REPS2: variants seen among roughly 807,000 people sequenced by gnomAD.
The protein encoded by REPS2 is ralBP1-associated Eps domain-containing protein 2.
A neutral mutation model predicts 53.6 loss-of-function variants in REPS2; 23 were observed. That is an observed-to-expected ratio of 0.43 (90% confidence interval 0.31 to 0.61). The LOEUF is 0.61. Ranked by LOEUF, REPS2 falls within the 20% of genes least tolerant of loss-of-function variation. The probability of loss-of-function intolerance (pLI) is 0.11; values close to 1 mark genes in which losing one functional copy is unlikely to be tolerated. For missense variants in REPS2, 446 were observed against 534.9 expected (o/e 0.83, Z 1.64); for synonymous variants, 238 against 218.6 (o/e 1.09, Z -0.78).
chrX:16,969,958 A>G (rs2060863479), intron 1 of REPS2, among the ~76,000 whole-genome samples: 2 of 112,076 alleles, frequency 1.8e-5, no homozygotes, highest in South Asian at 7.3e-4. Flanking sequence ...TTTTAACTAT[A>G]TTGCTTTCTA....
intron 14 of REPS2, among the ~76,000 whole-genome samples, chrX:17,117,320 A>G (rs2148100725): frequency 9.0e-6 from 1 of 111,491 alleles, no homozygotes; most frequent in South Asian, 3.8e-4. Context: ...CATGTGCACA[A>G]CGTGCAGGTT....
At chrX:17,081,386 A>C (rs1175994292) in intron 13 of REPS2, among the ~76,000 whole-genome samples, 1 of 112,595 alleles carries the variant, frequency 8.9e-6, no homozygotes, top group African/African-American at 3.2e-5. Flanking sequence ...TTGTAGAACC[A>C]ATGGAAGGAG....
chrX:17,055,755 G>A (rs112646104), intron 8 of REPS2, among the ~76,000 whole-genome samples: 2,161 of 94,674 alleles, frequency 0.023, 77 homozygotes, highest in African/African-American at 0.082. Context: ...ACCAAACACC[G>A]CATATTCTCA....
At chrX:17,076,237 A>G (rs1004678076) in intron 12 of REPS2, among the ~76,000 whole-genome samples, 2 of 112,277 alleles carry the variant, frequency 1.8e-5, no homozygotes, top group African/African-American at 6.5e-5. Context: ...CCACTCTAAT[A>G]GCTAAGTACG....
intron 13 of REPS2, among the ~76,000 whole-genome samples, chrX:17,091,442 G>A (rs2062615172): frequency 9.0e-6 from 1 of 111,602 alleles, no homozygotes; most frequent in Non-Finnish European, 1.9e-5. Flanking sequence ...TAGTAGCCTT[G>A]TGTCCTTGGC....
intron 5 of REPS2, among the ~76,000 whole-genome samples, chrX:17,045,365 T>C (rs1569145108): frequency 9.0e-6 from 1 of 110,832 alleles, no homozygotes; most frequent in East Asian, 2.8e-4. Flanking sequence ...ATTTGCTGCC[T>C]GCAGGGGTTC....
chrX:16,966,607 G>A (rs1789367920), intron 1 of REPS2, among the ~76,000 whole-genome samples: 1 of 112,347 alleles, frequency 8.9e-6, no homozygotes, highest in South Asian at 3.6e-4. Flanking sequence ...ATAAGGTCAG[G>A]TGTGGATTTT....
chrX:17,083,906 G>T (rs140572993), intron 13 of REPS2, among the ~76,000 whole-genome samples: 16 of 110,721 alleles, frequency 1.4e-4, no homozygotes, highest in African/African-American at 5.3e-4. Flanking sequence ...AAATGAAAGC[G>T]TTATTGAGAT....
chrX:17,070,068 A>G, intron 11 of REPS2, 75 bp downstream of exon 11: 1 of 456,113 alleles, frequency 2.2e-6, no homozygotes, highest in South Asian at 5.4e-5. Flanking sequence ...AGTGAGTAGA[A>G]GATTGATACC....
chrX:17,059,997 A>AG (rs1435018554), intron 8 of REPS2, among the ~76,000 whole-genome samples: 173 of 112,327 alleles, frequency 1.5e-3, no homozygotes, highest in Middle Eastern at 9.2e-3. Flanking sequence ...AGTTTCATCA[A>AG]AAGTCTCCTT....
At chrX:17,059,710 A>G (rs1458959153) in intron 8 of REPS2, among the ~76,000 whole-genome samples, 1 of 110,552 alleles carries the variant, frequency 9.0e-6, no homozygotes, top group Non-Finnish European at 1.9e-5. Context: ...CAAGTGATCC[A>G]CCCACCTCGG....
chrX:16,999,769 G>A (rs1045912131), intron 1 of REPS2, among the ~76,000 whole-genome samples: 7 of 110,733 alleles, frequency 6.3e-5, no homozygotes, highest in African/African-American at 2.0e-4. Flanking sequence ...AATCTTGGCC[G>A]GGCACGGTGG....
chrX:16,969,571 C>T (rs1445677496), intron 1 of REPS2, among the ~76,000 whole-genome samples: 2 of 109,768 alleles, frequency 1.8e-5, no homozygotes, highest in Non-Finnish European at 3.8e-5. Context: ...CAAAAAAATA[C>T]GAAAACCAGT....
chrX:17,074,909 C>G (rs952010080), intron 12 of REPS2, among the ~76,000 whole-genome samples: 4 of 111,420 alleles, frequency 3.6e-5, no homozygotes, highest in African/African-American at 1.3e-4. Flanking sequence ...CCTCCTTTGC[C>G]TACTAGACAC....
chrX:17,156,829 A>G (rs1429835524), downstream of REPS2, among the ~76,000 whole-genome samples: 5 of 112,101 alleles, frequency 4.5e-5, no homozygotes, highest in Non-Finnish European at 9.4e-5. Context: ...ATTCAAATGA[A>G]ATTGGCTTGA....
chrX:16,949,958 A>G (rs956777978), intron 1 of REPS2, among the ~76,000 whole-genome samples: 2 of 111,317 alleles, frequency 1.8e-5, no homozygotes, highest in African/African-American at 6.5e-5. Context: ...CAAATGTATA[A>G]TGACGGTTCC....
chrX:17,173,369 G>A, the REPS2 span, among the ~76,000 whole-genome samples: 70 of 112,363 alleles, frequency 6.2e-4, no homozygotes, highest in Middle Eastern at 0.037. Context: ...CTGTTGAATG[G>A]AGGCTGCCCT....
chrX:17,097,966 G>T (rs1200293130), intron 13 of REPS2, among the ~76,000 whole-genome samples: 1 of 111,321 alleles, frequency 9.0e-6, no homozygotes, highest in South Asian at 3.8e-4. Flanking sequence ...ATTTTTATTT[G>T]ATATTCAAGA....
chrX:17,170,464 A>G, the REPS2 span, among the ~76,000 whole-genome samples: 1 of 112,534 alleles, frequency 8.9e-6, no homozygotes, highest in African/African-American at 3.2e-5. Context: ...TAGCATTTCA[A>G]GATTGGAATC....
Sources: gnomAD v4.1 joint callset for allele counts (sites outside exome capture counted in the v4.1 genomes callset) on GRCh38, gnomAD v4.1.1 for gene constraint, MANE v1.5 for transcripts, NCBI Gene and HGNC (gene_info 2026-07-23, HGNC 2026-07-21) for gene names.